ITFG1: variants seen among roughly 807,000 people sequenced by gnomAD.
ITFG1 encodes the protein T-cell immunomodulatory protein.
A neutral mutation model predicts 81.8 loss-of-function variants in ITFG1; 34 were observed. The observed-to-expected ratio is 0.42, with a 90% CI of 0.32 to 0.55. ITFG1 has a LOEUF of 0.55. Among genes scored for constraint, ITFG1 ranks in the 20% least tolerant of loss-of-function variants. The probability of loss-of-function intolerance (pLI) is 0.17; values close to 1 mark genes in which losing one functional copy is unlikely to be tolerated. For missense variants in ITFG1, 672 were observed against 755.4 expected, an observed-to-expected ratio of 0.89 and a Z score of 1.29; for synonymous variants, 285 against 270.6, an observed-to-expected ratio of 1.05 and a Z score of -0.52.
intron 13 of ITFG1, among the ~76,000 whole-genome samples, chr16:47,233,607 A>G (rs1214361254): frequency 6.6e-6 from 1 of 152,198 alleles, no homozygotes; most frequent in African/African-American, 2.4e-5. Context: ...CCTTCAAAGA[A>G]AACTTCTACT....
At chr16:47,274,787 G>A (rs1237009959) in intron 10 of ITFG1, among the ~76,000 whole-genome samples, 1 of 152,136 alleles carries the variant, frequency 6.6e-6, no homozygotes, top group Non-Finnish European at 1.5e-5. Flanking sequence ...TGAAGACGTA[G>A]AGAGATGAAC....
At chr16:47,338,136 G>A (rs1259119711) in intron 8 of ITFG1, among the ~76,000 whole-genome samples, 1 of 152,206 alleles carries the variant, frequency 6.6e-6, no homozygotes, top group South Asian at 2.1e-4. Flanking sequence ...TAGGCCAGGC[G>A]CAGTGGCCCA....
chr16:47,399,196 C>G (rs1968628525), intron 6 of ITFG1, among the ~76,000 whole-genome samples: 1 of 152,208 alleles, frequency 6.6e-6, no homozygotes, highest in South Asian at 2.1e-4. Context: ...CGAATTTTTA[C>G]TGAGAGCTAC....
intron 6 of ITFG1, among the ~76,000 whole-genome samples, chr16:47,389,228 C>T (rs1180587291): frequency 6.6e-6 from 1 of 152,022 alleles, no homozygotes. Context: ...GATAGTAATT[C>T]AAATCCATAG....
At chr16:47,237,860 C>A in intron 13 of ITFG1, 105 bp downstream of exon 13, 1 of 616,950 alleles carries the variant, frequency 1.6e-6, no homozygotes. Flanking sequence ...TTAATCACTG[C>A]CAGATAATAA....
intron 14 of ITFG1, among the ~76,000 whole-genome samples, chr16:47,172,469 CA>C (rs1031785714): frequency 6.6e-6 from 1 of 152,320 alleles, no homozygotes; most frequent in African/African-American, 2.4e-5. Context: ...GCCTGGCCAA[CA>C]GAGTGAGACA....
At chr16:47,378,524 A>T (rs1273631433) in intron 6 of ITFG1, among the ~76,000 whole-genome samples, 1 of 152,194 alleles carries the variant, frequency 6.6e-6, no homozygotes, top group Non-Finnish European at 1.5e-5. Context: ...GAAGGTGAAA[A>T]TTATGCCCTC....
At chr16:47,340,529 T>A (rs572540375) in intron 8 of ITFG1, among the ~76,000 whole-genome samples, 3 of 152,000 alleles carry the variant, frequency 2.0e-5, no homozygotes, top group Non-Finnish European at 4.4e-5. Context: ...CACGAAAATA[T>A]AGAATATGTG....
At chr16:47,342,647 G>T (rs1967799604) in intron 8 of ITFG1, among the ~76,000 whole-genome samples, 1 of 152,058 alleles carries the variant, frequency 6.6e-6, no homozygotes, top group African/African-American at 2.4e-5. Flanking sequence ...AATGTATTCA[G>T]CAAAGTTGCA....
intron 10 of ITFG1, among the ~76,000 whole-genome samples, chr16:47,309,750 T>G (rs1029966567): frequency 6.6e-6 from 1 of 152,240 alleles, no homozygotes; most frequent in Non-Finnish European, 1.5e-5. Context: ...GCTAAAATGT[T>G]CACTGCTGAG....
At chr16:47,436,931 T>C (rs1231602461) in intron 5 of ITFG1, among the ~76,000 whole-genome samples, 1 of 152,170 alleles carries the variant, frequency 6.6e-6, no homozygotes, top group East Asian at 1.9e-4. Context: ...AAAATAACTA[T>C]TAGCTATACC....
At position 47,350,081 on chromosome 16, in the gene ITFG1, T is replaced by G. The variant is rs550132962; in HGVS notation, c.802+15707A>C. The stretch of plus-strand genomic sequence containing the variant: ...TTCAAAGCAGTGTGTAGAGGGAAAT[T>G]TATAGCACTAAATGCCCACAAGAGA... On this transcript the variant is annotated intron_variant, in intron 8 of 17. Coordinates refer to ENST00000320640, the MANE Select transcript of ITFG1 (RefSeq NM_030790.5). Among the ~76,000 whole-genome samples, 16 of 152,256 alleles carry G rather than the reference T, an allele frequency of 1.1e-4. No homozygotes were observed. The East Asian group carries it at 2.9e-3, about 28-fold the overall frequency.
chr16:47,391,854 A>C (rs1968535417), intron 6 of ITFG1, among the ~76,000 whole-genome samples: 1 of 152,186 alleles, frequency 6.6e-6, no homozygotes, highest in Admixed American at 6.5e-5. Flanking sequence ...GAATTATTTC[A>C]TTATTGGGAC....
intron 14 of ITFG1, among the ~76,000 whole-genome samples, chr16:47,187,210 C>T (rs1178109700): frequency 1.3e-5 from 2 of 152,138 alleles, no homozygotes; most frequent in East Asian, 3.8e-4. Flanking sequence ...AGATTCAATG[C>T]CATCCCCATC....
chr16:47,442,133 G>A (rs1024806224), intron 5 of ITFG1, among the ~76,000 whole-genome samples: 1 of 152,106 alleles, frequency 6.6e-6, no homozygotes, highest in Non-Finnish European at 1.5e-5. Flanking sequence ...GGGATGTGAA[G>A]GACCTCTTCA....
At chr16:47,300,524 C>T (rs770913616) in intron 10 of ITFG1, among the ~76,000 whole-genome samples, 1 of 152,110 alleles carries the variant, frequency 6.6e-6, no homozygotes, top group Non-Finnish European at 1.5e-5. Context: ...TCCCACCTTT[C>T]CTAGAGTGAC....
chr16:47,211,599 C>T (rs537282221), intron 14 of ITFG1, among the ~76,000 whole-genome samples: 3 of 152,304 alleles, frequency 2.0e-5, no homozygotes, highest in Non-Finnish European at 2.9e-5. Flanking sequence ...TAATCTTCGA[C>T]GCAGACCATT....
In ITFG1 at chr16:47,269,237, T is replaced by C. The variant is rs546039978; in HGVS notation, c.1071-8542A>G. On this transcript the variant is annotated intron_variant, in intron 10 of 17. Transcript: ENST00000320640. ...TAAAACTGTCTTTATTTGCAAGTTA[T>C]ATGGCCATGTACTTAGAAAAATCAT... Among the ~76,000 whole-genome samples, 4 of 152,332 alleles carry C rather than the reference T, an allele frequency of 2.6e-5. No homozygotes were observed. In the East Asian group the frequency reaches 5.8e-4, roughly 22 times the overall value.
intron 10 of ITFG1, among the ~76,000 whole-genome samples, chr16:47,297,019 T>C (rs985402928): frequency 1.3e-5 from 2 of 152,186 alleles, no homozygotes; most frequent in Admixed American, 6.5e-5. Flanking sequence ...GTGAGTGGCA[T>C]GTTGAAGTTC....
Sources: allele counts gnomAD v4.1 joint callset (sites outside exome capture counted in the v4.1 genomes callset), GRCh38; gene constraint gnomAD v4.1.1; transcripts MANE v1.5; gene names NCBI Gene and HGNC (gene_info 2026-07-23, HGNC 2026-07-21).